PEAR1: variants seen among roughly 807,000 people sequenced by gnomAD.
PEAR1 encodes multiple EGF-like domains protein 12.
Under a neutral mutation model 131.2 loss-of-function variants are expected in PEAR1, and 113 were observed. The ratio of observed to expected loss-of-function variants is 0.86; its 90% confidence interval spans 0.74 to 1.01. The LOEUF (loss-of-function observed/expected upper bound fraction) is 1.01, where lower values mean the gene tolerates loss of function less well. PEAR1 is among the 50% of genes least tolerant of loss of function. The probability of loss-of-function intolerance (pLI) is 0.00; values close to 1 mark genes in which losing one functional copy is unlikely to be tolerated. For synonymous variants in PEAR1, 565 were observed against 523.3 expected (o/e 1.08, Z -1.09); for missense variants, 1,408 against 1,391.1 (o/e 1.01, Z -0.19).
chr1:156,908,466 C>T lies in PEAR1; in HGVS notation c.1115+126C>T. On this transcript the variant is annotated intron_variant, in intron 9 of 22. Transcript: ENST00000292357. This position sits in a 1 kb window ranked among gnomAD's most constrained non-coding sequence, Gnocchi z 4.2. ...TGTCACAGAAGGGGAAAGGGAGGGA[C>T]CTCAGGGGCCGGGAGGGGCCTGGGG... The T allele has an allele frequency of 1.6e-6, 2 of 1,278,252 alleles. No homozygotes were observed. Among genetic ancestry groups the T allele is most frequent in the Non-Finnish European group, 2.1e-6 (2 of 956,564 alleles). 79.2% of individuals were successfully genotyped at this position (1,278,252 alleles called of 1,614,324 possible).
At chr1:156,905,055 G>T (rs1650090339) in intron 3 of PEAR1, 2 of 1,437,402 alleles carry the variant, frequency 1.4e-6, no homozygotes, top group African/African-American at 1.5e-5. Context: ...GGGTACGCAT[G>T]CATGTTACAG....
intron 22 of PEAR1, 54 bp downstream of exon 22, chr1:156,914,154 C>G: frequency 6.7e-7 from 1 of 1,488,128 alleles, no homozygotes; most frequent in Non-Finnish European, 8.9e-7. Context: ...ACAAGGGAGG[C>G]AGAAAAACAG....
In PEAR1 at chr1:156,915,205, G is replaced by T. The variant is rs1317545569; in HGVS notation, c.*407G>T. The stretch of plus-strand genomic sequence containing the variant: ...TCTGTCCTAGGGCACTTACCATTTA[G>T]TAGGGAGATGGAACCAACCCAATTA... On this transcript the variant is annotated 3_prime_UTR_variant, in exon 23 of 23. Coordinates refer to ENST00000292357, the MANE Select transcript of PEAR1 (RefSeq NM_001080471.3). 1 of 161,546 alleles carries T rather than the reference G, an allele frequency of 6.2e-6. No homozygotes were observed. The highest frequency in any genetic ancestry group is 1.8e-4 in the East Asian group (1 of 5,472). The allele number at this position is 161,546 out of a possible 1,614,324, so 10.0% of individuals were successfully genotyped here. A position where few individuals can be genotyped will look rare whatever the true frequency, so the allele number is the denominator to read the frequency against.
intron 15 of PEAR1, among the ~76,000 whole-genome samples, chr1:156,911,289 T>C (rs1340103106): frequency 1.1e-4 from 16 of 148,008 alleles, no homozygotes; most frequent in African/African-American, 3.0e-4. Context: ...TTCTTTCTTT[T>C]TTTTTTTTTT....
At chr1:156,907,015 G>T in intron 6 of PEAR1, 135 bp downstream of exon 6, 1 of 1,322,158 alleles carries the variant, frequency 7.6e-7, no homozygotes, top group East Asian at 2.5e-5. Flanking sequence ...TGGTCCCAGT[G>T]GATCCTATTC....
In PEAR1 at chr1:156,908,503, G is replaced by A. The variant is rs1650635950; in HGVS notation, c.1116-152G>A. ...GGAGGGGCCTGGGGTACCGCTACTT[G>A]CCCCAACCCAGTTTTCAGAATAGCG... On this transcript the variant is annotated intron_variant, in intron 9 of 22. Transcript: ENST00000292357. The surrounding 1 kb of genome is among the most constrained non-coding windows in gnomAD (Gnocchi z 4.2). 8 of 1,188,680 alleles carry A rather than the reference G, an allele frequency of 6.7e-6. No individual in the cohort carries two copies. The highest frequency in any genetic ancestry group is 9.1e-6 in the Non-Finnish European group (8 of 874,864). The allele number at this position is 1,188,680 out of a possible 1,614,324, so 73.6% of individuals were successfully genotyped here.
rs953898951 is a variant in PEAR1 at position 156,914,141 on chromosome 1, G to A, written c.2962+41G>A. 3 of 1,511,302 alleles carry A rather than the reference G, an allele frequency of 2.0e-6. No individual in the cohort carries two copies. The East Asian group carries it at 7.2e-5, about 36-fold the overall frequency. The allele number at this position is 1,511,302 out of a possible 1,614,324, so 93.6% of individuals were successfully genotyped here. A position where few individuals can be genotyped will look rare whatever the true frequency, so the allele number is the denominator to read the frequency against. On this transcript the variant is annotated intron_variant, in intron 22 of 22. Coordinates refer to ENST00000292357, the MANE Select transcript of PEAR1 (RefSeq NM_001080471.3). Reference sequence around the variant, plus strand: ...CCACTGGCAGGAGCAGCAGAGAACTGGGACAAGGGAGGCAGAAAAACAGAA... The same window carrying A: ...CCACTGGCAGGAGCAGCAGAGAACTAGGACAAGGGAGGCAGAAAAACAGAA...
chr1:156,897,096 G>T (rs1649240532), intron 1 of PEAR1, among the ~76,000 whole-genome samples: 1 of 152,206 alleles, frequency 6.6e-6, no homozygotes, highest in Admixed American at 6.5e-5. Flanking sequence ...ATTTCAGGGT[G>T]TATCAGTCCA....
Position 156,908,783 on chromosome 1 carries a change from T to C in PEAR1, c.1244T>C (p.Val415Ala), listed in dbSNP as rs761181677. ...QEHCLCLHGG[V>A]CQATSGLCQC... The stretch of plus-strand genomic sequence containing the variant: ...CACTGTCTCTGCCTGCACGGTGGCG[T>C]CTGCCAGGCTACCAGCGGCCTCTGT... Residue 415 changes from valine (V) to alanine (A), a missense_variant, in exon 10 of 23, where the codon GTC becomes GCC. Physicochemically the swap from Val to Ala is moderately conservative, Grantham distance 64. Transcript: ENST00000292357. The surrounding 1 kb of genome is among the most constrained non-coding windows in gnomAD (Gnocchi z 4.2). 26 of 1,604,532 alleles carry C rather than the reference T, an allele frequency of 1.6e-5. No homozygotes were observed. The Admixed American group carries it at 4.4e-4, about 27-fold the overall frequency.
chr1:156,901,953 G>A (rs1222930684), intron 1 of PEAR1, among the ~76,000 whole-genome samples: 2 of 152,078 alleles, frequency 1.3e-5, no homozygotes, highest in Non-Finnish European at 2.9e-5. Context: ...GTGATGTGGG[G>A]GTGGAGCTCT....
At chr1:156,906,131 C>A (rs755921974) in intron 4 of PEAR1, 145 bp from the exon 5 acceptor site, 2 of 658,284 alleles carry the variant, frequency 3.0e-6, no homozygotes, top group African/African-American at 3.6e-5. Context: ...AGTTGCTGCC[C>A]CTCAGTCTTT....
chr1:156,912,469 C>T (rs57731889), intron 16 of PEAR1, 25 bp from the exon 17 acceptor site: 166,233 of 1,607,396 alleles, frequency 0.1, 15,286 homozygotes, highest in East Asian at 0.45. Context: ...CTGATGCCGG[C>T]CTGCCTCCTT....
intron 7 of PEAR1, 21 bp downstream of exon 7, chr1:156,907,751 G>A (rs1243974563): frequency 6.3e-7 from 1 of 1,597,614 alleles, no homozygotes; most frequent in African/African-American, 1.3e-5. Flanking sequence ...TGGGGCCTGT[G>A]GGCATGGGGT....
intron 6 of PEAR1, 142 bp from the exon 7 acceptor site, chr1:156,907,468 C>T: frequency 7.1e-7 from 1 of 1,414,158 alleles, no homozygotes; most frequent in African/African-American, 1.5e-5. Flanking sequence ...CCTTTGCTTT[C>T]TGACTCGACA....
Position 156,908,944 on chromosome 1 carries a change from C to G in PEAR1, c.1319C>G (p.Pro440Arg). The G allele has an allele frequency of 6.2e-7, 1 of 1,613,908 alleles. No homozygotes were observed. Residue 440 changes from proline (P) to arginine (R), a missense_variant, in exon 11 of 23, where the codon CCT becomes CGT. By Grantham distance (103) the Pro-to-Arg change is moderately radical (BLOSUM62 -2). Coordinates refer to ENST00000292357, the MANE Select transcript of PEAR1 (RefSeq NM_001080471.3). This position sits in a 1 kb window ranked among gnomAD's most constrained non-coding sequence, Gnocchi z 4.2. ...TGPHCASLCPPDTYGVNCSAR... is the reference protein window; with the variant it reads ...TGPHCASLCPRDTYGVNCSAR... ...CCTCACTGTGCTAGTCTTTGTCCTC[C>G]TGACACCTACGGTGTCAACTGTTCT...
At chr1:156,910,142 T>C (rs762035994) in intron 13 of PEAR1, 34 bp downstream of exon 13, 19 of 1,613,566 alleles carry the variant, frequency 1.2e-5, no homozygotes, top group Non-Finnish European at 1.4e-5. Context: ...CTACTGTGGA[T>C]TGGGGGATGC....
chr1:156,911,284 TC>T lies in PEAR1; in HGVS notation c.1951+542del, dbSNP rs1362171070. 5.0e-3 allele frequency among the ~76,000 whole-genome samples: 636 copies of T among 127,714 alleles called. 30 individuals carry two copies. The highest frequency in any genetic ancestry group is 0.023 in the African/African-American group (620 of 26,492). 83.8% of individuals were successfully genotyped at this position (127,714 alleles called of 152,430 possible). ...TTCTCTCCCTCCCTCTCTCTTTCTT[TC>T]TTTTTTTTTTTTTTGACACGGAATC... On this transcript the variant is annotated intron_variant, in intron 15 of 22. Coordinates refer to ENST00000292357, the MANE Select transcript of PEAR1 (RefSeq NM_001080471.3).
chr1:156,894,627 G>A (rs1240721580), intron 1 of PEAR1, among the ~76,000 whole-genome samples: 1 of 152,184 alleles, frequency 6.6e-6, no homozygotes, highest in African/African-American at 2.4e-5. Flanking sequence ...GGCCAGGTGG[G>A]TGTGTGGGGG....
chr1:156,895,955 G>A (rs1427571701), intron 1 of PEAR1, among the ~76,000 whole-genome samples: 2 of 152,116 alleles, frequency 1.3e-5, no homozygotes, highest in Middle Eastern at 3.4e-3. Context: ...GGTGGTGCCC[G>A]CCCATGGGCC....
Sources: gnomAD v4.1 joint callset for allele counts (sites outside exome capture counted in the v4.1 genomes callset) on GRCh38, gnomAD v4.1.1 for gene constraint, Gnocchi (gnomAD v3.1) non-coding constraint, MANE v1.5 for transcripts, NCBI Gene and HGNC (gene_info 2026-07-23, HGNC 2026-07-21) for gene names.